Variants in ATP2A2 observed in about 807,000 individuals in gnomAD.
ATP2A2 encodes sarcoplasmic/endoplasmic reticulum calcium ATPase 2.
In ATP2A2, 14 loss-of-function variants were observed where a neutral mutation model predicts 109.3. That is an observed-to-expected ratio of 0.13 (90% confidence interval 0.08 to 0.20). ATP2A2 has a LOEUF of 0.20. ATP2A2 is among the 10% of genes least tolerant of loss of function. The pLI, the probability that ATP2A2 is intolerant of heterozygous loss-of-function variation, is 1.00. For synonymous variants in ATP2A2, 506 were observed against 490.9 expected (o/e 1.03, Z -0.41); for missense variants, 657 against 1,321.6 (o/e 0.50, Z 7.80).
intron 11 of ATP2A2, 61 bp downstream of exon 11, chr12:110,334,204 G>A (rs1878615117): frequency 6.3e-7 from 1 of 1,591,386 alleles, no homozygotes; most frequent in African/African-American, 1.3e-5. Context: ...TATATACTTA[G>A]TGTCTGCACT....
intron 18 of ATP2A2, 163 bp downstream of exon 18, chr12:110,345,545 C>T (rs1313051537): frequency 1.8e-6 from 2 of 1,104,954 alleles, no homozygotes; most frequent in Non-Finnish European, 2.7e-6. Flanking sequence ...CTGTCGTCAC[C>T]TCCAGGAAGT....
In ATP2A2 at chr12:110,348,346, G is replaced by C. The variant is rs1206427136; in HGVS notation, c.*1876G>C. On this transcript the variant is annotated 3_prime_UTR_variant, in exon 20 of 20. Transcript: ENST00000539276. ...TGTTAAAGCACAGTTAGTAGGACGT[G>C]GCTCTGCACAGCCCAAAAACCAGCT... 4 of 985,140 alleles carry C rather than the reference G, an allele frequency of 4.1e-6. No homozygotes were observed. Among genetic ancestry groups the C allele is most frequent in the Non-Finnish European group, 4.8e-6 (4 of 829,924 alleles). 61.0% of individuals were successfully genotyped at this position (985,140 alleles called of 1,614,324 possible).
At position 110,323,130 on chromosome 12, in the gene ATP2A2, A is replaced by G. The variant is rs994250115; in HGVS notation, c.544+58A>G. Reference sequence around the variant, plus strand: ...GAAGACCTTCGCATATTCCATGCCAATAGAGTTGGCTCTTGCCTCACTGTC... The same window carrying G: ...GAAGACCTTCGCATATTCCATGCCAGTAGAGTTGGCTCTTGCCTCACTGTC... On this transcript the variant is annotated intron_variant, in intron 6 of 19. Transcript: ENST00000539276. 22 of 1,339,700 alleles carry G rather than the reference A, an allele frequency of 1.6e-5. No homozygotes were observed. In the East Asian group the frequency reaches 2.3e-4, roughly 14 times the overall value. 83.0% of individuals were successfully genotyped at this position (1,339,700 alleles called of 1,614,324 possible). A position where few individuals can be genotyped will look rare whatever the true frequency, so the allele number is the denominator to read the frequency against.
intron 15 of ATP2A2, 50 bp from the exon 16 acceptor site, chr12:110,343,182 G>T (rs768414697): frequency 2.5e-6 from 4 of 1,577,830 alleles, no homozygotes; most frequent in South Asian, 2.2e-5. Flanking sequence ...TTAAATAGTG[G>T]CCAGAAGTCA....
chr12:110,282,655 T>C, intron 2 of ATP2A2, 34 bp downstream of exon 2: 1 of 1,613,900 alleles, frequency 6.2e-7, no homozygotes, highest in South Asian at 1.1e-5. Context: ...TTTTTTTTCC[T>C]CTGTTGGTGT....
intron 4 of ATP2A2, chr12:110,296,086 A>AGTTGG (rs1873931318): frequency 6.0e-6 from 1 of 165,894 alleles, no homozygotes; most frequent in African/African-American, 2.4e-5. Flanking sequence ...CTTAGCCCAG[A>AGTTGG]GTTGGGTTGG....
chr12:110,302,574 ATTT>A (rs1259357258), intron 5 of ATP2A2, among the ~76,000 whole-genome samples: 6 of 122,536 alleles, frequency 4.9e-5, no homozygotes, highest in African/African-American at 2.0e-4. Flanking sequence ...TTTAATTTTT[ATTT>A]TTATTACTAT....
rs1878524280 is a variant in ATP2A2 at position 110,333,298 on chromosome 12, A to G, written c.1287+15A>G. The G allele has an allele frequency of 1.3e-6, 2 of 1,589,552 alleles. No homozygotes were observed. The highest frequency in any genetic ancestry group is 1.7e-6 in the Non-Finnish European group (2 of 1,158,008). On this transcript the variant is annotated intron_variant, in intron 10 of 19. Coordinates refer to ENST00000539276, the MANE Select transcript of ATP2A2 (RefSeq NM_170665.4). Reference sequence around the variant, plus strand: ...ATTACAATGAGGTAAGTCTCTTCATAAATTAGAAGGAATGGCTGTTCCTAG... The same window carrying G: ...ATTACAATGAGGTAAGTCTCTTCATGAATTAGAAGGAATGGCTGTTCCTAG...
At chr12:110,309,229 C>T (rs1875735505) in intron 5 of ATP2A2, among the ~76,000 whole-genome samples, 1 of 130,890 alleles carries the variant, frequency 7.6e-6, no homozygotes, top group South Asian at 2.7e-4. Context: ...GTGATCTCAG[C>T]TCACTGCAAC....
At chr12:110,288,567 G>A (rs1292120858) in intron 3 of ATP2A2, among the ~76,000 whole-genome samples, 1 of 151,952 alleles carries the variant, frequency 6.6e-6, no homozygotes, top group East Asian at 1.9e-4. Flanking sequence ...ACCACACTCG[G>A]CTAATTTTTT....
At position 110,293,378 on chromosome 12, in the gene ATP2A2, TTTTTTTTTTTG is replaced by T. The variant is rs1296270220; in HGVS notation, c.324+1258_324+1268del. ...CCACCACTCCCGGCCTTTTTTTTTTTTTTTTTTTTTGTTTGTTTGTTTGTTTGTTTGTTTTG... is the reference window on the plus strand; with the variant it reads ...CCACCACTCCCGGCCTTTTTTTTTTTTTTGTTTGTTTGTTTGTTTGTTTTG... On this transcript the variant is annotated intron_variant, in intron 4 of 19. Transcript: ENST00000539276. 2.6e-4 allele frequency among the ~76,000 whole-genome samples: 32 copies of T among 122,756 alleles called. 1 individual carries two copies. In the South Asian group the frequency reaches 8.3e-3, roughly 32 times the overall value. 80.5% of individuals were successfully genotyped at this position (122,756 alleles called of 152,430 possible). A position where few individuals can be genotyped will look rare whatever the true frequency, so the allele number is the denominator to read the frequency against.
rs1879944050 is a variant in ATP2A2, at chr12:110,347,067, T to G, written c.*597T>G. 4.4e-6 allele frequency: 4 copies of G among 905,014 alleles called. No individual in the cohort carries two copies. The African/African-American group carries it at 6.2e-5, about 14-fold the overall frequency. The allele number at this position is 905,014 out of a possible 1,614,324, so 56.1% of individuals were successfully genotyped here. ...CCACCTTACCCCCGCCCCGCTTGGC[T>G]TCTTCTTTAGGATTGTGATGGTTCG... On this transcript the variant is annotated 3_prime_UTR_variant, in exon 20 of 20. Transcript: ENST00000539276.
rs759479178 is a variant in ATP2A2 at position 110,350,278 on chromosome 12, T to C, written c.*3808T>C. 3 of 1,614,120 alleles carry C rather than the reference T, an allele frequency of 1.9e-6. No homozygotes were observed. Among genetic ancestry groups the C allele is most frequent in the African/African-American group, 2.7e-5 (2 of 74,934 alleles). On this transcript the variant is annotated 3_prime_UTR_variant, in exon 20 of 20. Transcript: ENST00000539276. ...TATTTCATGAAGCTGATTTCCTCTC[T>C]CTTTCCTTTTCAGCAATACTGGAGT...
At chr12:110,281,009 T>C (rs1871982503), upstream of ATP2A2, 1 of 151,886 alleles carries the variant, frequency 6.6e-6, no homozygotes, top group Non-Finnish European at 1.5e-5. Flanking sequence ...GGTACCCAGC[T>C]TCCCCTCCGC....
intron 14 of ATP2A2, 40 bp downstream of exon 14, chr12:110,341,034 C>T (rs1879305075): frequency 6.3e-7 from 1 of 1,599,716 alleles, no homozygotes; most frequent in East Asian, 2.2e-5. Context: ...TCAGGCTACA[C>T]AAGCACATAG....
chr12:110,325,144 A>T (rs1204070262), intron 6 of ATP2A2, among the ~76,000 whole-genome samples: 1 of 152,150 alleles, frequency 6.6e-6, no homozygotes, highest in East Asian at 1.9e-4. Flanking sequence ...TTTAAAAAAA[A>T]ATTTAAACTT....
chr12:110,286,288 A>G (rs1347003239), intron 3 of ATP2A2, among the ~76,000 whole-genome samples: 3 of 152,200 alleles, frequency 2.0e-5, no homozygotes, highest in African/African-American at 7.2e-5. Context: ...TTCTGAAAAT[A>G]CATGAGATCT....
chr12:110,299,883 A>C (rs549475239), intron 5 of ATP2A2, among the ~76,000 whole-genome samples: 1 of 152,150 alleles, frequency 6.6e-6, no homozygotes, highest in South Asian at 2.1e-4. Flanking sequence ...CAGCCTCCCA[A>C]GTAGCTGGGA....
chr12:110,343,331 G>A lies in ATP2A2; in HGVS notation c.2418G>A (p.Leu806=). ...CAGATGGCCTGCCTGCCACTGCACT[G>A]GGGTTCAACCCTCCTGATCTGGACA... The part of the protein sequence containing the change: ...LVTDGLPATA[L]GFNPPDLDIM... Residue 806 remains leucine, a synonymous_variant, in exon 16 of 20, where the codon CTG becomes CTA. Coordinates refer to ENST00000539276, the MANE Select transcript of ATP2A2 (RefSeq NM_170665.4). 1 of 1,614,148 alleles carries A rather than the reference G, an allele frequency of 6.2e-7. No individual in the cohort carries two copies. The highest frequency in any genetic ancestry group is 2.2e-5 in the East Asian group (1 of 44,884).
Sources: gnomAD v4.1 joint callset for allele counts (sites outside exome capture counted in the v4.1 genomes callset) on GRCh38, gnomAD v4.1.1 for gene constraint, MANE v1.5 for transcripts, NCBI Gene and HGNC (gene_info 2026-07-23, HGNC 2026-07-21) for gene names.